ADK: variants seen among roughly 807,000 people sequenced by gnomAD.
ADK encodes N6,N6-dimethyladenosine kinase.
A neutral mutation model predicts 44.7 loss-of-function variants in ADK; 24 were observed. The observed-to-expected ratio is 0.54, with a 90% CI of 0.39 to 0.76. The LOEUF (loss-of-function observed/expected upper bound fraction) is 0.76, where lower values mean the gene tolerates loss of function less well. ADK is among the 30% of genes least tolerant of loss of function. The pLI, the probability that ADK is intolerant of heterozygous loss-of-function variation, is 0.00. For missense variants in ADK, 321 were observed against 425.1 expected (o/e 0.76, Z 2.15); for synonymous variants, 128 against 142.6 (o/e 0.90, Z 0.73).
At chr10:74,530,467 T>C (rs1849237374) in intron 7 of ADK, 1 of 152,150 alleles carries the variant, frequency 6.6e-6, no homozygotes, top group Non-Finnish European at 1.5e-5. Flanking sequence ...AATGATGATT[T>C]AAAACTTCTG....
chr10:74,638,286 A>T (rs1025643194), intron 9 of ADK, among the ~76,000 whole-genome samples: 5 of 152,320 alleles, frequency 3.3e-5, no homozygotes, highest in Admixed American at 1.3e-4. Context: ...TATCAATACC[A>T]CATTAGCTTG....
At chr10:74,394,702 A>G (rs1445373259) in intron 5 of ADK, among the ~76,000 whole-genome samples, 1 of 152,178 alleles carries the variant, frequency 6.6e-6, no homozygotes, top group Middle Eastern at 3.2e-3. Flanking sequence ...AGAGACAGAG[A>G]GACAGAGAGA....
intron 9 of ADK, among the ~76,000 whole-genome samples, chr10:74,660,616 G>C (rs1035573940): frequency 1.3e-5 from 2 of 151,344 alleles, no homozygotes; most frequent in Non-Finnish European, 2.9e-5. Context: ...TGTAATCCCA[G>C]CTACCTGGGA....
intron 3 of ADK, among the ~76,000 whole-genome samples, chr10:74,312,083 T>C (rs1840451690): frequency 6.6e-6 from 1 of 152,088 alleles, no homozygotes; most frequent in African/African-American, 2.4e-5. Flanking sequence ...GGAGAATCAC[T>C]TGAACCAGGG....
intron 9 of ADK, among the ~76,000 whole-genome samples, chr10:74,612,185 T>A (rs1852578225): frequency 6.6e-6 from 1 of 152,162 alleles, no homozygotes; most frequent in Admixed American, 6.5e-5. Flanking sequence ...TGATATCTCA[T>A]TGTGGTTTTA....
At chr10:74,483,819 C>G (rs1343043097) in intron 6 of ADK, among the ~76,000 whole-genome samples, 6 of 152,214 alleles carry the variant, frequency 3.9e-5, no homozygotes, top group African/African-American at 1.2e-4. Context: ...GACCTTCACT[C>G]CATTTGCCAA....
At chr10:74,682,673 G>C (rs1305427858) in intron 10 of ADK, among the ~76,000 whole-genome samples, 1 of 150,510 alleles carries the variant, frequency 6.6e-6, no homozygotes, top group African/African-American at 2.4e-5. Flanking sequence ...TCCCAGGTTT[G>C]AGTGATTCTC....
At chr10:74,660,432 T>A (rs1589344856) in intron 9 of ADK, among the ~76,000 whole-genome samples, 2 of 152,124 alleles carry the variant, frequency 1.3e-5, no homozygotes, top group Non-Finnish European at 2.9e-5. Context: ...GTGTCTAGCC[T>A]CCTATTTTAA....
At chr10:74,406,842 G>A (rs368861744) in intron 6 of ADK, among the ~76,000 whole-genome samples, 4 of 151,546 alleles carry the variant, frequency 2.6e-5, no homozygotes, top group South Asian at 2.1e-4. Context: ...CACCACACCC[G>A]GCTAATTTTT....
chr10:74,446,782 T>C (rs555562061), intron 6 of ADK, among the ~76,000 whole-genome samples: 3 of 152,296 alleles, frequency 2.0e-5, no homozygotes, highest in African/African-American at 7.2e-5. Context: ...TATTTCCTCC[T>C]ATTTAGATAG....
chr10:74,681,760 C>T (rs1366466110), intron 10 of ADK, among the ~76,000 whole-genome samples: 4 of 148,346 alleles, frequency 2.7e-5, no homozygotes, highest in Non-Finnish European at 4.4e-5. Flanking sequence ...TGAGGCAGGA[C>T]AATTGCTTGA....
At chr10:74,540,725 C>T (rs1396439959) in intron 7 of ADK, among the ~76,000 whole-genome samples, 1 of 152,096 alleles carries the variant, frequency 6.6e-6, no homozygotes, top group African/African-American at 2.4e-5. Context: ...CTCCCATGTG[C>T]TGGGGTTACA....
chr10:74,619,559 C>G (rs939000834), intron 9 of ADK, among the ~76,000 whole-genome samples: 3 of 152,056 alleles, frequency 2.0e-5, no homozygotes, highest in Non-Finnish European at 2.9e-5. Flanking sequence ...GTATAATCCT[C>G]TACCTTGTCA....
chr10:74,476,637 C>T (rs1846858112), intron 6 of ADK, among the ~76,000 whole-genome samples: 1 of 152,118 alleles, frequency 6.6e-6, no homozygotes, highest in East Asian at 1.9e-4. Flanking sequence ...TCTTTTCATT[C>T]CCACCACTTT....
At chr10:74,451,260 T>C (rs960368159) in intron 6 of ADK, among the ~76,000 whole-genome samples, 2 of 152,068 alleles carry the variant, frequency 1.3e-5, no homozygotes, top group South Asian at 2.1e-4. Flanking sequence ...TCTGCCCTGA[T>C]TGCTTTTTAG....
intron 9 of ADK, among the ~76,000 whole-genome samples, chr10:74,614,727 A>G (rs1852683785): frequency 6.6e-6 from 1 of 151,048 alleles, no homozygotes; most frequent in South Asian, 2.1e-4. Flanking sequence ...CTCACGTTGT[A>G]TTTTCTCCAC....
intron 3 of ADK, among the ~76,000 whole-genome samples, chr10:74,276,875 C>CATCTCCT (rs1488030658): frequency 5.3e-5 from 8 of 151,650 alleles, no homozygotes; most frequent in Non-Finnish European, 1.0e-4. Context: ...TGTTCTTTTT[C>CATCTCCT]ATCTCCTTTT....
At chr10:74,316,507 G>T (rs963582803) in intron 4 of ADK, among the ~76,000 whole-genome samples, 3 of 152,158 alleles carry the variant, frequency 2.0e-5, no homozygotes, top group African/African-American at 7.2e-5. Context: ...CACAAGATCT[G>T]ATGGCTTTAT....
chr10:74,351,400 G>C lies in ADK; in HGVS notation c.273+36655G>C, dbSNP rs1841959520. On this transcript the variant is annotated intron_variant, in intron 4 of 10. Transcript: ENST00000539909. ...CATGCTAAAAACTCTCAAAAAACTA[G>C]GTATTGATGGAACATATCTCAAAAT... is the stretch of plus-strand genomic sequence containing the variant. Among the ~76,000 whole-genome samples the C allele has an allele frequency of 2.0e-5, 3 of 152,148 alleles. No individual in the cohort carries two copies. The South Asian group carries it at 6.2e-4, about 32-fold the overall frequency.
Sources: allele counts gnomAD v4.1 joint callset (sites outside exome capture counted in the v4.1 genomes callset), GRCh38; gene constraint gnomAD v4.1.1; transcripts MANE v1.5; gene names NCBI Gene and HGNC (gene_info 2026-07-23, HGNC 2026-07-21).